Variants in FAM20A observed in about 807,000 individuals in gnomAD.
FAM20A encodes the protein pseudokinase FAM20A.
Under a neutral mutation model 52.0 loss-of-function variants are expected in FAM20A, and 42 were observed. The observed-to-expected ratio is 0.81, with a 90% CI of 0.63 to 1.04. FAM20A has a LOEUF of 1.04. Among genes scored for constraint, FAM20A ranks in the 50% least tolerant of loss-of-function variants. The pLI is 0.00. For synonymous variants in FAM20A, 304 were observed against 298.9 expected (o/e 1.02, Z -0.18); for missense variants, 742 against 712.7 (o/e 1.04, Z -0.47).
intron 1 of FAM20A, among the ~76,000 whole-genome samples, chr17:68,562,290 C>T (rs2087235734): frequency 1.3e-5 from 2 of 152,166 alleles, no homozygotes; most frequent in South Asian, 4.1e-4. Flanking sequence ...ATATCTAGGA[C>T]AGGGGTATTT....
rs140844527 is a variant in FAM20A at position 68,560,322 on chromosome 17, C to T, written c.405-4579G>A. Among the ~76,000 whole-genome samples, 718 of 142,406 alleles carry T rather than the reference C, an allele frequency of 5.0e-3. 5 individuals are homozygous for T. Among genetic ancestry groups the T allele is most frequent in the African/African-American group, 0.018 (673 of 37,516 alleles). The allele number at this position is 142,406 out of a possible 152,430, so 93.4% of individuals were successfully genotyped here. A position where few individuals can be genotyped will look rare whatever the true frequency, so the allele number is the denominator to read the frequency against. On this transcript the variant is annotated intron_variant, in intron 1 of 10. Transcript: ENST00000592554. ...ATCACGCCACTGCACTCTGGCCTGG[C>T]GACAGAGCGAAACTCCATCTCAAAA...
In FAM20A at chr17:68,600,255, G is replaced by C; in HGVS notation, c.404+8C>G. On this transcript the variant is annotated splice_region_variant and intron_variant, in intron 1 of 10. Transcript: ENST00000592554. This position sits in a 1 kb window ranked among gnomAD's most constrained non-coding sequence, Gnocchi z 6.2. ...CCCGCTCTCCCGCGTCCCGGGCGGG[G>C]TCCTCACCTGTTCCAGCGGGCCACC... The C allele has an allele frequency of 6.4e-7, 1 of 1,558,690 alleles. No homozygotes were observed. Among genetic ancestry groups the C allele is most frequent in the African/African-American group, 1.4e-5 (1 of 73,340 alleles).
intron 1 of FAM20A, among the ~76,000 whole-genome samples, chr17:68,590,527 C>T (rs1317345523): frequency 6.6e-6 from 1 of 152,172 alleles, no homozygotes; most frequent in African/African-American, 2.4e-5. Flanking sequence ...TTTTTATGCT[C>T]TCACAAAAAG....
intron 1 of FAM20A, among the ~76,000 whole-genome samples, chr17:68,596,910 G>A (rs904637960): frequency 2.0e-5 from 3 of 152,186 alleles, no homozygotes; most frequent in African/African-American, 7.2e-5. Context: ...GAGTGAAGGA[G>A]GTTTGCAGAA....
In FAM20A at chr17:68,542,098, G is replaced by A. The variant is rs2302234; in HGVS notation, c.996C>T (p.Asn332=). ...AGAGGGAACCCTCCAGCAGGTGTGG[G>A]TTGCCACAGACAGCATACTCCGTCT... ...MCKTEYAVCG[N]PHLLEGSLSA... is the part of the protein sequence containing the mutation. Residue 332 remains asparagine, a synonymous_variant, in exon 7 of 11, where the codon AAC becomes AAT. Transcript: ENST00000592554. 1 of 1,613,718 alleles carries A rather than the reference G, an allele frequency of 6.2e-7. No homozygotes were observed. Among genetic ancestry groups the A allele is most frequent in the South Asian group, 1.1e-5 (1 of 91,080 alleles).
intron 10 of FAM20A, among the ~76,000 whole-genome samples, chr17:68,538,960 A>AG (rs1204374206): frequency 1.3e-5 from 2 of 152,222 alleles, no homozygotes; most frequent in Non-Finnish European, 2.9e-5. Context: ...TGAACATCAG[A>AG]GAGTGTACTC....
intron 1 of FAM20A, among the ~76,000 whole-genome samples, chr17:68,563,356 A>G (rs113978498): frequency 0.024 from 3,498 of 148,322 alleles, 133 homozygotes; most frequent in African/African-American, 0.082. Context: ...ACTGCACTCC[A>G]GCCGAGGCAA....
At position 68,575,749 on chromosome 17, in the gene FAM20A, TTA is replaced by T. The variant is rs1490998248; in HGVS notation, c.405-20008_405-20007del. Among the ~76,000 whole-genome samples the T allele has an allele frequency of 5.9e-3, 752 of 127,984 alleles. 7 individuals are homozygous for T. Among genetic ancestry groups the T allele is most frequent in the African/African-American group, 0.021 (729 of 33,948 alleles). 84.0% of individuals were successfully genotyped at this position (127,984 alleles called of 152,430 possible). Reference sequence around the variant, plus strand: ...TTTTATATATTATATATTTTATATATTATATATATTTTATATTTTATATATTG... The same window carrying T: ...TTTTATATATTATATATTTTATATATTATATATTTTATATTTTATATATTG... On this transcript the variant is annotated intron_variant, in intron 1 of 10. Coordinates refer to ENST00000592554, the MANE Select transcript of FAM20A (RefSeq NM_017565.4).
chr17:68,576,800 T>C (rs1256165193), intron 1 of FAM20A, among the ~76,000 whole-genome samples: 1 of 152,240 alleles, frequency 6.6e-6, no homozygotes, highest in Non-Finnish European at 1.5e-5. Flanking sequence ...CCTGTTGATT[T>C]TGCTCAGCCC....
intron 9 of FAM20A, 29 bp downstream of exon 9, chr17:68,539,856 G>C (rs779528834): frequency 4.6e-5 from 74 of 1,605,584 alleles, no homozygotes; most frequent in Non-Finnish European, 6.1e-5. Context: ...TGGGAGAGGG[G>C]ATTGTTGAAC....
In FAM20A at chr17:68,554,006, GCATATATA is replaced by G. The variant is rs71142201; in HGVS notation, c.640+763_640+770del. On this transcript the variant is annotated intron_variant, in intron 3 of 10. Coordinates refer to ENST00000592554, the MANE Select transcript of FAM20A (RefSeq NM_017565.4). ...CATATATACATATACACACATATAT[GCATATATA>G]CATATATACATATATACACACATGC... is the stretch of plus-strand genomic sequence containing the variant. Among the ~76,000 whole-genome samples, 314 of 86,490 alleles carry G rather than the reference GCATATATA, an allele frequency of 3.6e-3. 3 individuals are homozygous for G. The highest frequency in any genetic ancestry group is 5.7e-3 in the Middle Eastern group (1 of 174). 56.7% of individuals were successfully genotyped at this position (86,490 alleles called of 152,430 possible).
intron 1 of FAM20A, among the ~76,000 whole-genome samples, chr17:68,585,565 G>A (rs1039578761): frequency 6.6e-6 from 1 of 152,038 alleles, no homozygotes; most frequent in Non-Finnish European, 1.5e-5. Flanking sequence ...CTGAAAAACT[G>A]CACTCAAAGT....
At chr17:68,590,789 G>T (rs1419848031) in intron 1 of FAM20A, among the ~76,000 whole-genome samples, 1 of 152,110 alleles carries the variant, frequency 6.6e-6, no homozygotes, top group South Asian at 2.1e-4. Flanking sequence ...CTTGGTTCGG[G>T]GGAACTGCTC....
At chr17:68,597,951 T>C (rs960086040) in intron 1 of FAM20A, 1 of 151,562 alleles carries the variant, frequency 6.6e-6, no homozygotes, top group Non-Finnish European at 1.5e-5. Flanking sequence ...CCTTTCACAA[T>C]AGAACTCTGA....
chr17:68,562,770 A>T (rs1466062324), intron 1 of FAM20A, among the ~76,000 whole-genome samples: 1 of 152,176 alleles, frequency 6.6e-6, no homozygotes, highest in Admixed American at 6.6e-5. Context: ...TAATTCAGGC[A>T]TGTGCAAATG....
At position 68,551,860 on chromosome 17, in the gene FAM20A, G is replaced by A; in HGVS notation, c.719+13C>T. On this transcript the variant is annotated intron_variant, in intron 4 of 10. Transcript: ENST00000592554. Reference sequence around the variant, plus strand: ...CCCAACTGGGTGTGGAAAGGAGGAAGGCAGTCACTTACCTCATGGGTTTGA... The same window carrying A: ...CCCAACTGGGTGTGGAAAGGAGGAAAGCAGTCACTTACCTCATGGGTTTGA... 6.4e-6 allele frequency: 10 copies of A among 1,564,398 alleles called. No homozygotes were observed. Among genetic ancestry groups the A allele is most frequent in the Non-Finnish European group, 6.9e-6 (8 of 1,151,264 alleles).
chr17:68,573,210 C>A (rs750315592), intron 1 of FAM20A, among the ~76,000 whole-genome samples: 10 of 152,198 alleles, frequency 6.6e-5, no homozygotes, highest in Non-Finnish European at 1.3e-4. Flanking sequence ...CCTGGCTCTG[C>A]CACTCACAGC....
At chr17:68,574,772 G>C (rs1332297803) in intron 1 of FAM20A, among the ~76,000 whole-genome samples, 1 of 152,158 alleles carries the variant, frequency 6.6e-6, no homozygotes, top group Admixed American at 6.5e-5. Flanking sequence ...CCTGGGGTAG[G>C]CTGAATAATG....
intron 1 of FAM20A, among the ~76,000 whole-genome samples, chr17:68,594,730 C>T (rs1295448152): frequency 6.6e-6 from 1 of 152,224 alleles, no homozygotes; most frequent in Admixed American, 6.5e-5. Context: ...CTAAAGATTG[C>T]TCCTATCCCT....
Sources: gnomAD v4.1 joint callset for allele counts (sites outside exome capture counted in the v4.1 genomes callset) on GRCh38, gnomAD v4.1.1 for gene constraint, Gnocchi (gnomAD v3.1) non-coding constraint, MANE v1.5 for transcripts, NCBI Gene and HGNC (gene_info 2026-07-23, HGNC 2026-07-21) for gene names.